The following GLCE variants were observed in gnomAD, a reference collection of about 807,000 sequenced individuals.
The protein encoded by GLCE is glucuronic acid epimerase.
In GLCE, 19 loss-of-function variants were observed where a neutral mutation model predicts 47.9. The observed-to-expected ratio is 0.40, with a 90% CI of 0.28 to 0.58. The LOEUF (loss-of-function observed/expected upper bound fraction) is 0.58. GLCE is among the 20% of genes least tolerant of loss of function. The probability of loss-of-function intolerance (pLI) is 0.48; values close to 1 mark genes in which losing one functional copy is unlikely to be tolerated. For missense variants in GLCE, 556 were observed against 743.3 expected, an observed-to-expected ratio of 0.75 and a Z score of 2.93; for synonymous variants, 245 against 263.4, an observed-to-expected ratio of 0.93 and a Z score of 0.68.
intron 1 of GLCE, among the ~76,000 whole-genome samples, chr15:69,200,456 T>C (rs2052062275): frequency 1.3e-5 from 2 of 152,214 alleles, no homozygotes; most frequent in South Asian, 4.1e-4. Context: ...TTTTATACTT[T>C]TGGATATAAA....
At chr15:69,258,740 C>T (rs917136208) in intron 3 of GLCE, among the ~76,000 whole-genome samples, 6 of 152,024 alleles carry the variant, frequency 3.9e-5, no homozygotes, top group African/African-American at 9.7e-5. Flanking sequence ...ACAAACAATC[C>T]AGTAATATTC....
chr15:69,249,482 T>C (rs1011243431), intron 2 of GLCE, among the ~76,000 whole-genome samples: 2 of 152,228 alleles, frequency 1.3e-5, no homozygotes, highest in African/African-American at 4.8e-5. Context: ...TGTTGAGCAA[T>C]TACTATTTCA....
chr15:69,236,237 T>A (rs1450505745), intron 2 of GLCE, among the ~76,000 whole-genome samples: 1 of 140,734 alleles, frequency 7.1e-6, no homozygotes, highest in African/African-American at 3.3e-5. Context: ...TAACCATACA[T>A]GTTCATAACC....
rs144508691 is a variant in GLCE, at chr15:69,187,706, G to A, written c.-104-22610G>A. ...ATAGAAGCCTATATAAAAGGTTTTC[G>A]TTTGGTTTTGTTTACATCAATTGAT... is the stretch of plus-strand genomic sequence containing the variant. On this transcript the variant is annotated intron_variant, in intron 1 of 4. Transcript: ENST00000261858. Among the ~76,000 whole-genome samples, 1,109 of 152,212 alleles carry A rather than the reference G, an allele frequency of 7.3e-3. 11 individuals are homozygous for A. Among genetic ancestry groups the A allele is most frequent in the African/African-American group, 0.024 (1,005 of 41,534 alleles).
At chr15:69,198,994 A>G (rs1169913745) in intron 1 of GLCE, among the ~76,000 whole-genome samples, 2 of 152,182 alleles carry the variant, frequency 1.3e-5, no homozygotes, top group African/African-American at 4.8e-5. Flanking sequence ...CTCTAGAACT[A>G]TAAAAATGCT....
chr15:69,176,645 G>T (rs759829002), intron 1 of GLCE, among the ~76,000 whole-genome samples: 1 of 152,028 alleles, frequency 6.6e-6, no homozygotes, highest in African/African-American at 2.4e-5. Context: ...AGCATAAAGG[G>T]GATCAGTGAC....
intron 1 of GLCE, among the ~76,000 whole-genome samples, chr15:69,199,916 G>A (rs1447645994): frequency 2.0e-5 from 3 of 152,194 alleles, no homozygotes; most frequent in Non-Finnish European, 4.4e-5. Flanking sequence ...ATTGGAACTA[G>A]AGTGAAATCA....
chr15:69,199,993 A>G (rs1043432629), intron 1 of GLCE, among the ~76,000 whole-genome samples: 3 of 152,168 alleles, frequency 2.0e-5, no homozygotes, highest in South Asian at 4.1e-4. Context: ...TCAGAGTAGT[A>G]AGACAATTTT....
chr15:69,248,796 T>G (rs2052793506), intron 2 of GLCE, among the ~76,000 whole-genome samples: 1 of 152,108 alleles, frequency 6.6e-6, no homozygotes, highest in South Asian at 2.1e-4. Flanking sequence ...CAGATGGGAT[T>G]TCACCATGTT....
intron 2 of GLCE, among the ~76,000 whole-genome samples, chr15:69,236,465 T>G (rs2052595685): frequency 6.6e-6 from 1 of 152,124 alleles, no homozygotes; most frequent in Non-Finnish European, 1.5e-5. Flanking sequence ...GTAGTAGTAG[T>G]AGGAAATAAA....
rs772185270 is a variant in GLCE, at chr15:69,269,166, TG to T, written c.1777del (p.Asp593MetfsTer50). 6.2e-7 allele frequency: 1 copy of T among 1,613,970 alleles called. No homozygotes were observed. The highest frequency in any genetic ancestry group is 8.5e-7 in the Non-Finnish European group (1 of 1,179,900). ...INQLQLLSTIDESPVFKEFVK... is the reference protein window; with the variant it reads ...INQLQLLSTIXESPVFKEFVK... ...ATCAGTTGCAGCTACTCAGTACCAT[TG>T]ATGAGTCCCCAGTCTTCAAAGAATT... On this transcript the variant is annotated frameshift_variant, in exon 5 of 5. Transcript: ENST00000261858. LOFTEE classifies it high-confidence loss of function.
At chr15:69,190,323 G>A (rs2051894764) in intron 1 of GLCE, among the ~76,000 whole-genome samples, 1 of 152,030 alleles carries the variant, frequency 6.6e-6, no homozygotes, top group Non-Finnish European at 1.5e-5. Flanking sequence ...TGCTAGTGGT[G>A]TTCAAGTTTA....
chr15:69,200,008 A>G (rs1387418603), intron 1 of GLCE, among the ~76,000 whole-genome samples: 1 of 152,124 alleles, frequency 6.6e-6, no homozygotes, highest in South Asian at 2.1e-4. Flanking sequence ...AATTTTTTAC[A>G]TTGAGAAATA....
chr15:69,210,873 G>T (rs2052223987), intron 2 of GLCE, among the ~76,000 whole-genome samples: 1 of 152,104 alleles, frequency 6.6e-6, no homozygotes, highest in Non-Finnish European at 1.5e-5. Context: ...AGAGTTTTTA[G>T]TTGGAACAGT....
intron 1 of GLCE, among the ~76,000 whole-genome samples, chr15:69,204,380 T>C (rs1355201159): frequency 6.6e-6 from 1 of 151,218 alleles, no homozygotes; most frequent in Non-Finnish European, 1.5e-5. Flanking sequence ...TCTCCCAGGC[T>C]TAAGTGATTC....
chr15:69,221,911 G>A (rs1056024615), intron 2 of GLCE, among the ~76,000 whole-genome samples: 2 of 150,820 alleles, frequency 1.3e-5, no homozygotes, highest in Non-Finnish European at 2.9e-5. Context: ...AGAGTTGCCA[G>A]AGTTCTTGTG....
intron 2 of GLCE, among the ~76,000 whole-genome samples, chr15:69,233,645 T>C (rs1216440878): frequency 6.6e-6 from 1 of 152,170 alleles, no homozygotes; most frequent in African/African-American, 2.4e-5. Context: ...TTATTACATA[T>C]GTGCATTGTA....
At chr15:69,178,399 T>C (rs2051703144) in intron 1 of GLCE, among the ~76,000 whole-genome samples, 1 of 152,146 alleles carries the variant, frequency 6.6e-6, no homozygotes, top group Admixed American at 6.5e-5. Context: ...TTGCATATTC[T>C]CTAACAATCA....
chr15:69,164,416 C>T lies in GLCE; in HGVS notation c.-105+3659C>T, dbSNP rs188261687. Among the ~76,000 whole-genome samples the T allele has an allele frequency of 2.0e-3, 298 of 151,282 alleles. 4 individuals are homozygous for T. The highest frequency in any genetic ancestry group is 6.9e-3 in the African/African-American group (287 of 41,354). ...GATAATTCCTTAATCTTTCAGGGCC[C>T]CAGTTTTCATATATACATATATGAA... On this transcript the variant is annotated intron_variant, in intron 1 of 4. Transcript: ENST00000261858.
Sources: allele counts gnomAD v4.1 joint callset (sites outside exome capture counted in the v4.1 genomes callset), GRCh38; gene constraint gnomAD v4.1.1; transcripts MANE v1.5; gene names NCBI Gene and HGNC (gene_info 2026-07-23, HGNC 2026-07-21).